The following DECR1 variants were observed in gnomAD, a reference collection of about 807,000 sequenced individuals.
DECR1 encodes the protein 2,4-dienoyl-CoA reductase [(3E)-enoyl-CoA-producing], mitochondrial.
DECR1 carries 44 observed loss-of-function variants against 38.8 expected under a neutral mutation model. The observed-to-expected ratio is 1.13, with a 90% CI of 0.89 to 1.46. DECR1 has a LOEUF of 1.46. Ranked by LOEUF, DECR1 falls within the 40% of genes most tolerant of loss-of-function variation. The pLI is 0.00. For synonymous variants in DECR1, 148 were observed against 135.2 expected (o/e 1.09, Z -0.66); for missense variants, 428 against 405.5 (o/e 1.06, Z -0.48).
chr8:90,052,521 CAT>C lies in DECR1; in HGVS notation c.*625_*626del, dbSNP rs1041202213. On this transcript the variant is annotated 3_prime_UTR_variant, in exon 10 of 10. Coordinates refer to ENST00000220764, the MANE Select transcript of DECR1 (RefSeq NM_001359.2). ...AACTTATAAATAATTATTTATGATA[CAT>C]TGTGATAAGTATTATTCCAGCAGTA... is the stretch of plus-strand genomic sequence containing the variant. Among the ~76,000 whole-genome samples, 1 of 151,906 alleles carries C rather than the reference CAT, an allele frequency of 6.6e-6. No homozygotes were observed. Among genetic ancestry groups the C allele is most frequent in the Non-Finnish European group, 1.5e-5 (1 of 67,984 alleles).
intron 7 of DECR1, among the ~76,000 whole-genome samples, chr8:90,043,692 A>T (rs1309768371): frequency 1.3e-5 from 2 of 152,244 alleles, no homozygotes; most frequent in Non-Finnish European, 2.9e-5. Flanking sequence ...AGGATGGGAA[A>T]TAGAAACAAA....
intron 8 of DECR1, among the ~76,000 whole-genome samples, chr8:90,048,282 C>A (rs1813965028): frequency 1.3e-5 from 2 of 151,894 alleles, no homozygotes; most frequent in South Asian, 2.1e-4. Flanking sequence ...AATTGATAGA[C>A]CGCTAGCAAG....
At chr8:90,048,283 C>T (rs535982914) in intron 8 of DECR1, among the ~76,000 whole-genome samples, 7 of 151,542 alleles carry the variant, frequency 4.6e-5, no homozygotes, top group East Asian at 1.9e-4. Context: ...ATTGATAGAC[C>T]GCTAGCAAGA....
chr8:90,038,105 G>T (rs1358582972), intron 6 of DECR1, among the ~76,000 whole-genome samples: 1 of 152,120 alleles, frequency 6.6e-6, no homozygotes, highest in Non-Finnish European at 1.5e-5. Context: ...TCGTCCTAGG[G>T]ATATGATAGT....
Position 90,014,151 on chromosome 8 carries a change from T to C in DECR1, c.70-2973T>C, listed in dbSNP as rs542981120. Among the ~76,000 whole-genome samples, 3 of 152,350 alleles carry C rather than the reference T, an allele frequency of 2.0e-5. No individual in the cohort carries two copies. The South Asian group carries it at 6.2e-4, about 32-fold the overall frequency. Reference sequence around the variant, plus strand: ...CAATCTTGATACGAAAGGTGTTATTTATATTTTTGAAAAAAACTTATTTCT... The same window carrying C: ...CAATCTTGATACGAAAGGTGTTATTCATATTTTTGAAAAAAACTTATTTCT... On this transcript the variant is annotated intron_variant, in intron 1 of 9. Transcript: ENST00000220764.
chr8:90,012,771 T>G (rs1812917936), intron 1 of DECR1, among the ~76,000 whole-genome samples: 1 of 152,194 alleles, frequency 6.6e-6, no homozygotes, highest in Non-Finnish European at 1.5e-5. Context: ...GGCAACTCCT[T>G]AGCAGGCCAA....
At chr8:90,017,026 G>T in intron 1 of DECR1, 98 bp from the exon 2 acceptor site, 1 of 778,148 alleles carries the variant, frequency 1.3e-6, no homozygotes. Flanking sequence ...GTTAATACAA[G>T]AATTTGATTA....
rs2130043532 is a variant in DECR1 at position 90,017,038 on chromosome 8, T to C, written c.70-86T>C. The C allele has an allele frequency of 3.5e-6, 3 of 848,042 alleles. No individual in the cohort carries two copies. The East Asian group carries it at 7.8e-5, about 22-fold the overall frequency. 52.5% of individuals were successfully genotyped at this position (848,042 alleles called of 1,614,324 possible). On this transcript the variant is annotated intron_variant, in intron 1 of 9. Coordinates refer to ENST00000220764, the MANE Select transcript of DECR1 (RefSeq NM_001359.2). ...TGTGTTAATACAAGAATTTGATTAC[T>C]ATTAAATTCAAGAGCATGTTTTAAA...
chr8:90,026,955 A>C (rs936613366), intron 5 of DECR1, among the ~76,000 whole-genome samples: 1 of 152,108 alleles, frequency 6.6e-6, no homozygotes, highest in Non-Finnish European at 1.5e-5. Context: ...GAACATCTTT[A>C]TTTCTGCTTT....
chr8:90,052,078 G>T lies in DECR1; in HGVS notation c.*181G>T. 3.8e-6 allele frequency: 2 copies of T among 521,780 alleles called. No homozygotes were observed. Among genetic ancestry groups the T allele is most frequent in the African/African-American group, 2.0e-5 (1 of 48,830 alleles). The allele number at this position is 521,780 out of a possible 1,614,324, so 32.3% of individuals were successfully genotyped here. A position where few individuals can be genotyped will look rare whatever the true frequency, so the allele number is the denominator to read the frequency against. On this transcript the variant is annotated 3_prime_UTR_variant, in exon 10 of 10. Transcript: ENST00000220764. ...TCAAAGATAAATAAAATGAAATATA[G>T]TCCTTCAAAACATTAAAAAAAAAAA...
chr8:90,005,810 G>A (rs999327607), intron 1 of DECR1: 10 of 305,050 alleles, frequency 3.3e-5, no homozygotes, highest in Admixed American at 4.5e-5. Flanking sequence ...TCTGCATCTG[G>A]TGACGGCCTA....
At chr8:90,036,980 A>G (rs761101429) in intron 6 of DECR1, 40 bp downstream of exon 6, 2 of 1,421,296 alleles carry the variant, frequency 1.4e-6, no homozygotes, top group Non-Finnish European at 2.0e-6. Flanking sequence ...GAACATAACT[A>G]ATACAGTTGG....
chr8:90,010,500 A>C (rs1812856269), intron 1 of DECR1, among the ~76,000 whole-genome samples: 1 of 152,242 alleles, frequency 6.6e-6, no homozygotes, highest in East Asian at 1.9e-4. Context: ...TAAATTGGGA[A>C]GTAGTTATGG....
At chr8:90,012,241 C>G (rs147787493) in intron 1 of DECR1, among the ~76,000 whole-genome samples, 21 of 151,750 alleles carry the variant, frequency 1.4e-4, no homozygotes, top group Non-Finnish European at 2.8e-4. Context: ...CAACCTCCGC[C>G]ATCTGGGTTC....
chr8:90,018,822 T>A, intron 2 of DECR1, 87 bp from the exon 3 acceptor site: 1 of 1,059,062 alleles, frequency 9.4e-7, no homozygotes, highest in Non-Finnish European at 1.4e-6. Context: ...TCAGAAATGC[T>A]TTTCTTTAAG....
At chr8:90,047,735 T>C (rs547043639) in intron 8 of DECR1, among the ~76,000 whole-genome samples, 2 of 152,372 alleles carry the variant, frequency 1.3e-5, no homozygotes, top group South Asian at 4.1e-4. Flanking sequence ...ATATATATTC[T>C]TTTTAGCACC....
At position 90,041,745 on chromosome 8, in the gene DECR1, C is replaced by T. The variant is rs150458479; in HGVS notation, c.666-983C>T. Among the ~76,000 whole-genome samples the T allele has an allele frequency of 5.3e-5, 8 of 152,152 alleles. No homozygotes were observed. The East Asian group carries it at 1.4e-3, about 26-fold the overall frequency. The stretch of plus-strand genomic sequence containing the variant: ...GAATAGATACAAATTTGTGATGTGA[C>T]TATTGCAGTTATATGGAACATCACA... On this transcript the variant is annotated intron_variant, in intron 6 of 9. Transcript: ENST00000220764.
At position 90,051,833 on chromosome 8, in the gene DECR1, G is replaced by A. The variant is rs769565252; in HGVS notation, c.949-5G>A. On this transcript the variant is annotated splice_region_variant and splice_polypyrimidine_tract_variant and intron_variant, in intron 9 of 9. Coordinates refer to ENST00000220764, the MANE Select transcript of DECR1 (RefSeq NM_001359.2). ...GACATTAAATTGACATCTTTTTTGT[G>A]TTAGGTCACCAAGGAGCAGTGGGAC... 5 of 1,613,560 alleles carry A rather than the reference G, an allele frequency of 3.1e-6. No individual in the cohort carries two copies. The East Asian group carries it at 6.7e-5, about 22-fold the overall frequency.
chr8:90,023,946 CTA>C (rs1813232426), intron 5 of DECR1, among the ~76,000 whole-genome samples: 1 of 152,072 alleles, frequency 6.6e-6, no homozygotes, highest in African/African-American at 2.4e-5. Context: ...CACTTCCCAC[CTA>C]TGAGTGAGAA....
Sources: allele counts gnomAD v4.1 joint callset (sites outside exome capture counted in the v4.1 genomes callset), GRCh38; gene constraint gnomAD v4.1.1; transcripts MANE v1.5; gene names NCBI Gene and HGNC (gene_info 2026-07-23, HGNC 2026-07-21).